The following FKTN variants were observed in gnomAD, a reference collection of about 807,000 sequenced individuals.
FKTN encodes the protein ribitol-5-phosphate transferase FKTN.
A neutral mutation model predicts 58.6 loss-of-function variants in FKTN; 47 were observed. The ratio of observed to expected loss-of-function variants is 0.80; its 90% CI spans 0.63 to 1.02. The LOEUF is 1.02. Ranked by LOEUF, FKTN falls within the 50% of genes least tolerant of loss-of-function variation. The pLI is 0.00. For synonymous variants in FKTN, 178 were observed against 191.9 expected (o/e 0.93, Z 0.60); for missense variants, 516 against 537.3 (o/e 0.96, Z 0.39).
At chr9:105,583,704 T>A (rs1843420356) in intron 3 of FKTN, among the ~76,000 whole-genome samples, 1 of 152,214 alleles carries the variant, frequency 6.6e-6, no homozygotes, top group Admixed American at 6.5e-5. Context: ...TAGTACTTAA[T>A]GTATAAATAG....
rs1292151812 is a variant in FKTN at position 105,636,587 on chromosome 9, CTT to C, written c.*1324_*1325del. ...AGGATGCTGTTTACCCCATCTCTCTCTTATATCACTTGAATGATATATTGTAA... is the reference window on the plus strand; with the variant it reads ...AGGATGCTGTTTACCCCATCTCTCTCATATCACTTGAATGATATATTGTAA... On this transcript the variant is annotated 3_prime_UTR_variant, in exon 11 of 11. Coordinates refer to ENST00000357998, the MANE Select transcript of FKTN (RefSeq NM_001079802.2). 3 of 1,113,930 alleles carry C rather than the reference CTT, an allele frequency of 2.7e-6. No homozygotes were observed. Among genetic ancestry groups the C allele is most frequent in the Non-Finnish European group, 3.4e-6 (3 of 886,286 alleles). 69.0% of individuals were successfully genotyped at this position (1,113,930 alleles called of 1,614,324 possible). A position where few individuals can be genotyped will look rare whatever the true frequency, so the allele number is the denominator to read the frequency against.
At chr9:105,607,596 TTTATTA>T (rs924141800) in intron 6 of FKTN, among the ~76,000 whole-genome samples, 2 of 151,618 alleles carry the variant, frequency 1.3e-5, no homozygotes, top group Admixed American at 1.3e-4. Context: ...TAATAAATCT[TTTATTA>T]TTATTATTAT....
chr9:105,606,234 T>C (rs1048876857), intron 6 of FKTN, among the ~76,000 whole-genome samples: 2 of 152,058 alleles, frequency 1.3e-5, no homozygotes, highest in Admixed American at 1.3e-4. Context: ...GTGGAGACTT[T>C]GGTGTTTACT....
chr9:105,592,535 G>A (rs1390186143), intron 3 of FKTN, among the ~76,000 whole-genome samples: 1 of 152,144 alleles, frequency 6.6e-6, no homozygotes, highest in Non-Finnish European at 1.5e-5. Flanking sequence ...TACTCAGAAG[G>A]CTGAGGCAGG....
At position 105,635,661 on chromosome 9, in the gene FKTN, G is replaced by C; in HGVS notation, c.*397G>C. On this transcript the variant is annotated 3_prime_UTR_variant, in exon 11 of 11. Transcript: ENST00000357998. ...GGCAAAGCTAAGGAAGGATATACTAGTTGAAAAGAATAACCCACTCCTCTT... is the reference window on the plus strand; with the variant it reads ...GGCAAAGCTAAGGAAGGATATACTACTTGAAAAGAATAACCCACTCCTCTT... 9.1e-7 allele frequency: 1 copy of C among 1,103,050 alleles called. No individual in the cohort carries two copies. The highest frequency in any genetic ancestry group is 1.1e-6 in the Non-Finnish European group (1 of 902,380). The allele number at this position is 1,103,050 out of a possible 1,614,324, so 68.3% of individuals were successfully genotyped here.
At chr9:105,586,650 A>C (rs1843962643) in intron 3 of FKTN, among the ~76,000 whole-genome samples, 1 of 152,178 alleles carries the variant, frequency 6.6e-6, no homozygotes, top group Non-Finnish European at 1.5e-5. Flanking sequence ...GTCCTCATGC[A>C]ATTGTTTGGC....
In FKTN at chr9:105,640,101, G is replaced by C; in HGVS notation, c.*4837G>C. On this transcript the variant is annotated 3_prime_UTR_variant, in exon 11 of 11. Transcript: ENST00000357998. The stretch of plus-strand genomic sequence containing the variant: ...AAATTTCTGTTTCTATCTCAACTAG[G>C]CAAGAATCAGCAGGGTGCATGATGC... 1 of 1,535,056 alleles carries C rather than the reference G, an allele frequency of 6.5e-7. No individual in the cohort carries two copies. Among genetic ancestry groups the C allele is most frequent in the Non-Finnish European group, 8.7e-7 (1 of 1,146,438 alleles).
intron 1 of FKTN, among the ~76,000 whole-genome samples, chr9:105,560,557 CA>C (rs1838105764): frequency 6.6e-6 from 1 of 151,964 alleles, no homozygotes; most frequent in Non-Finnish European, 1.5e-5. Flanking sequence ...TGTAAAGAAC[CA>C]TGTAAAAATC....
intron 7 of FKTN, among the ~76,000 whole-genome samples, chr9:105,609,343 C>CT (rs35639278): frequency 3.9e-4 from 59 of 149,906 alleles, no homozygotes; most frequent in African/African-American, 7.3e-4. Flanking sequence ...GTACCGATAA[C>CT]TTTTTTTTTT....
intron 7 of FKTN, among the ~76,000 whole-genome samples, chr9:105,609,064 A>C (rs1588142725): frequency 6.6e-6 from 1 of 152,290 alleles, no homozygotes; most frequent in East Asian, 1.9e-4. Flanking sequence ...AAATTTTATG[A>C]ACTTCTTGAT....
At chr9:105,597,565 A>G (rs540242783) in intron 4 of FKTN, among the ~76,000 whole-genome samples, 59 of 152,284 alleles carry the variant, frequency 3.9e-4, no homozygotes, top group African/African-American at 1.3e-3. Context: ...ACCCAGTCAC[A>G]GTTATAAAGA....
At chr9:105,568,483 T>C (rs1012201732) in intron 1 of FKTN, among the ~76,000 whole-genome samples, 4 of 152,122 alleles carry the variant, frequency 2.6e-5, no homozygotes, top group African/African-American at 7.2e-5. Flanking sequence ...GCAAAGGATA[T>C]GAACAGACAC....
At chr9:105,560,526 T>C (rs1838095806) in intron 1 of FKTN, among the ~76,000 whole-genome samples, 1 of 152,190 alleles carries the variant, frequency 6.6e-6, no homozygotes, top group African/African-American at 2.4e-5. Context: ...CTTATACAAA[T>C]ATTGGAACAA....
chr9:105,585,898 A>C (rs1424252453), intron 3 of FKTN, among the ~76,000 whole-genome samples: 1 of 152,212 alleles, frequency 6.6e-6, no homozygotes, highest in Non-Finnish European at 1.5e-5. Context: ...TCATCCTTGA[A>C]CTTCAAGGTA....
In FKTN at chr9:105,607,992, T is replaced by C. The variant is rs2132904709; in HGVS notation, c.780+41T>C. ...ATGTGTACTTTTAAATTAAAGAAAA[T>C]GTTGGGATTATTTTTAATATTTGAG... On this transcript the variant is annotated intron_variant, in intron 7 of 10. Coordinates refer to ENST00000357998, the MANE Select transcript of FKTN (RefSeq NM_001079802.2). 1.9e-6 allele frequency: 3 copies of C among 1,568,222 alleles called. No homozygotes were observed. In the South Asian group the frequency reaches 3.3e-5, roughly 17 times the overall value.
chr9:105,577,600 C>T (rs1212379786), intron 3 of FKTN, among the ~76,000 whole-genome samples: 7 of 147,900 alleles, frequency 4.7e-5, no homozygotes, highest in African/African-American at 1.5e-4. Flanking sequence ...AGTCAGGTAG[C>T]GTGATGCCTC....
At chr9:105,632,312 A>G (rs1833562831) in intron 10 of FKTN, among the ~76,000 whole-genome samples, 1 of 152,018 alleles carries the variant, frequency 6.6e-6, no homozygotes. Flanking sequence ...AGATATACCT[A>G]ATGCTAGATG....
chr9:105,635,441 T>C lies in FKTN; in HGVS notation c.*177T>C. 1 of 1,455,972 alleles carries C rather than the reference T, an allele frequency of 6.9e-7. No homozygotes were observed. The highest frequency in any genetic ancestry group is 9.0e-7 in the Non-Finnish European group (1 of 1,111,760). The allele number at this position is 1,455,972 out of a possible 1,614,324, so 90.2% of individuals were successfully genotyped here. A position where few individuals can be genotyped will look rare whatever the true frequency, so the allele number is the denominator to read the frequency against. On this transcript the variant is annotated 3_prime_UTR_variant, in exon 11 of 11. Coordinates refer to ENST00000357998, the MANE Select transcript of FKTN (RefSeq NM_001079802.2). ...CTCACTTAGTACTGAGGAATTTTCA[T>C]GTGCCACATACAATGCTAGGTTACA...
rs564214913 is a variant in FKTN at position 105,636,940 on chromosome 9, T to C, written c.*1676T>C. On this transcript the variant is annotated 3_prime_UTR_variant, in exon 11 of 11. Coordinates refer to ENST00000357998, the MANE Select transcript of FKTN (RefSeq NM_001079802.2). ...CTAATTTGCATTCTCAATGCAGAATTATTGGGTCTTTCATAAATAACATGA... is the reference window on the plus strand; with the variant it reads ...CTAATTTGCATTCTCAATGCAGAATCATTGGGTCTTTCATAAATAACATGA... The C allele has an allele frequency of 2.9e-6, 3 of 1,049,240 alleles. No homozygotes were observed. The highest frequency in any genetic ancestry group is 7.7e-5 in the East Asian group (1 of 13,048). The allele number at this position is 1,049,240 out of a possible 1,614,324, so 65.0% of individuals were successfully genotyped here. A position where few individuals can be genotyped will look rare whatever the true frequency, so the allele number is the denominator to read the frequency against.
Sources: gnomAD v4.1 joint callset for allele counts (sites outside exome capture counted in the v4.1 genomes callset) on GRCh38, gnomAD v4.1.1 for gene constraint, MANE v1.5 for transcripts, NCBI Gene and HGNC (gene_info 2026-07-23, HGNC 2026-07-21) for gene names.